The following PCDH15 variants were observed in gnomAD, a reference collection of about 807,000 sequenced individuals.
The protein encoded by PCDH15 is protocadherin-15.
In PCDH15, 129 loss-of-function variants were observed where a neutral mutation model predicts 178.5. The observed-to-expected ratio is 0.72, with a 90% CI of 0.63 to 0.84. PCDH15 has a LOEUF of 0.84. Among genes scored for constraint, PCDH15 ranks in the 40% least tolerant of loss-of-function variants. PCDH15 has a pLI of 0.00. For synonymous variants in PCDH15, 800 were observed against 732.0 expected (o/e 1.09, Z -1.50); for missense variants, 2,230 against 2,099.9 (o/e 1.06, Z -1.21).
At chr10:55,095,844 A>T (rs1842437598) in intron 2 of PCDH15, among the ~76,000 whole-genome samples, 1 of 152,098 alleles carries the variant, frequency 6.6e-6, no homozygotes, top group Admixed American at 6.6e-5. Context: ...AATACCTTGA[A>T]GGATTCATGG....
At chr10:54,776,377 T>G (rs1160503226) in intron 1 of PCDH15, among the ~76,000 whole-genome samples, 4 of 152,068 alleles carry the variant, frequency 2.6e-5, no homozygotes, top group African/African-American at 9.7e-5. Context: ...GCTTAAGATA[T>G]CTGGGATCTA....
chr10:55,165,146 G>A (rs933721817), intron 2 of PCDH15, among the ~76,000 whole-genome samples: 1 of 152,014 alleles, frequency 6.6e-6, no homozygotes, highest in African/African-American at 2.4e-5. Flanking sequence ...TTGGGGACAT[G>A]AAAATTTTGT....
rs2076984688 is a variant in PCDH15 at position 53,831,009 on chromosome 10, T to C, written c.4202+306A>G. ...TTACCCCAGGATACCTGTTACCTTC[T>C]CTCCCAAGTTGGCTCTTAAACAAAA... On this transcript the variant is annotated intron_variant, in intron 30 of 37. Transcript: ENST00000644397. 7.7e-6 allele frequency: 4 copies of C among 517,062 alleles called. No homozygotes were observed. In the Admixed American group the frequency reaches 1.0e-4, roughly 13 times the overall value. The allele number at this position is 517,062 out of a possible 1,614,324, so 32.0% of individuals were successfully genotyped here.
intron 9 of PCDH15, among the ~76,000 whole-genome samples, chr10:54,218,179 T>C (rs1343596868): frequency 6.6e-6 from 1 of 152,154 alleles, no homozygotes; most frequent in Admixed American, 6.6e-5. Context: ...TAAGAAACTA[T>C]TTCAGCTAAT....
At chr10:54,498,694 A>G (rs1027480574) in intron 3 of PCDH15, among the ~76,000 whole-genome samples, 9 of 152,204 alleles carry the variant, frequency 5.9e-5, no homozygotes, top group African/African-American at 2.2e-4. Flanking sequence ...AAGATGAAGA[A>G]GTACATTACA....
chr10:54,343,900 T>C (rs1236887839), intron 6 of PCDH15, among the ~76,000 whole-genome samples: 2 of 152,138 alleles, frequency 1.3e-5, no homozygotes, highest in Non-Finnish European at 2.9e-5. Context: ...TATTCATATA[T>C]TAAATAAAAT....
chr10:54,785,081 A>T (rs1254439498), intron 1 of PCDH15, among the ~76,000 whole-genome samples: 1 of 151,998 alleles, frequency 6.6e-6, no homozygotes, highest in East Asian at 1.9e-4. Context: ...CCCAAATATC[A>T]GATCAGAAGA....
intron 8 of PCDH15, among the ~76,000 whole-genome samples, chr10:54,307,480 A>G (rs1207292548): frequency 6.6e-6 from 1 of 151,546 alleles, no homozygotes; most frequent in East Asian, 2.0e-4. Context: ...CATTACCATA[A>G]TCTATTGTTT....
chr10:53,951,168 C>A (rs1355991690), intron 23 of PCDH15, among the ~76,000 whole-genome samples: 1 of 151,948 alleles, frequency 6.6e-6, no homozygotes, highest in Admixed American at 6.6e-5. Context: ...TAATGAAAAA[C>A]AAATTGTAGA....
At chr10:54,712,262 G>GCAGAAAACATCA (rs2095434682) in intron 1 of PCDH15, among the ~76,000 whole-genome samples, 1 of 151,894 alleles carries the variant, frequency 6.6e-6, no homozygotes, top group African/African-American at 2.4e-5. Context: ...TCATTGGGTA[G>GCAGAAAACATCA]TTAGGCTAAA....
chr10:53,993,207 G>A (rs1427484588), intron 21 of PCDH15, among the ~76,000 whole-genome samples: 3 of 152,168 alleles, frequency 2.0e-5, no homozygotes, highest in East Asian at 1.9e-4. Flanking sequence ...CTAAGTCTTG[G>A]AGATATTAAG....
At chr10:54,584,308 C>A (rs190438006) in intron 2 of PCDH15, among the ~76,000 whole-genome samples, 24 of 152,178 alleles carry the variant, frequency 1.6e-4, no homozygotes, top group Non-Finnish European at 3.1e-4. Flanking sequence ...GCAGAAGGAT[C>A]ACTTGGATGC....
In PCDH15 at chr10:54,132,891, ACAGCAC is replaced by A; in HGVS notation, c.1895_1900del (p.Gly632_Ala633del). On this transcript the variant is annotated inframe_deletion, in exon 15 of 38. Coordinates refer to ENST00000644397, the MANE Select transcript of PCDH15 (RefSeq NM_001384140.1). ...GGAACATACCTGTAGATTTAATAAA[ACAGCAC>A]CAACCCTCATGGCTTCACTAATTTC... 6.2e-7 allele frequency: 1 copy of A among 1,613,630 alleles called. No individual in the cohort carries two copies. Among genetic ancestry groups the A allele is most frequent in the Non-Finnish European group, 8.5e-7 (1 of 1,179,784 alleles).
chr10:54,114,954 C>A (rs1185837588), intron 15 of PCDH15, among the ~76,000 whole-genome samples: 1 of 152,102 alleles, frequency 6.6e-6, no homozygotes. Flanking sequence ...AGGAATTTAA[C>A]AAAAATGTGA....
intron 2 of PCDH15, among the ~76,000 whole-genome samples, chr10:54,987,040 A>G (rs1382167750): frequency 1.3e-5 from 2 of 151,558 alleles, no homozygotes; most frequent in African/African-American, 2.4e-5. Flanking sequence ...AACAGGCCCC[A>G]ATGTGTGATG....
intron 2 of PCDH15, among the ~76,000 whole-genome samples, chr10:55,618,530 T>G (rs1425627366): frequency 6.6e-6 from 1 of 152,054 alleles, no homozygotes; most frequent in East Asian, 1.9e-4. Flanking sequence ...AAGTCGTATC[T>G]GATTTTGTGC....
At chr10:54,937,089 C>G (rs1564645138) in intron 2 of PCDH15, among the ~76,000 whole-genome samples, 2 of 152,086 alleles carry the variant, frequency 1.3e-5, no homozygotes, top group South Asian at 4.1e-4. Context: ...CATATCACTT[C>G]TTGAAAGATT....
At chr10:55,165,430 T>G (rs1392604490) in intron 2 of PCDH15, among the ~76,000 whole-genome samples, 3 of 151,890 alleles carry the variant, frequency 2.0e-5, no homozygotes, top group African/African-American at 7.2e-5. Flanking sequence ...AGCATATTAT[T>G]TAAAATATAA....
chr10:54,790,507 A>C (rs906431049), intron 1 of PCDH15, among the ~76,000 whole-genome samples: 5 of 151,698 alleles, frequency 3.3e-5, no homozygotes, highest in African/African-American at 9.7e-5. Flanking sequence ...ATCCCATCCT[A>C]TCTTGATTTA....
Sources: gnomAD v4.1 joint callset for allele counts (sites outside exome capture counted in the v4.1 genomes callset) on GRCh38, gnomAD v4.1.1 for gene constraint, MANE v1.5 for transcripts, NCBI Gene and HGNC (gene_info 2026-07-23, HGNC 2026-07-21) for gene names.